The following ARHGAP24 variants were observed in gnomAD, a reference collection of about 807,000 sequenced individuals.
ARHGAP24 encodes the protein Rho GTPase activating protein 24, also known as rho GTPase-activating protein 24.
ARHGAP24 carries 50 observed loss-of-function variants against 76.4 expected under a neutral mutation model. The ratio of observed to expected loss-of-function variants is 0.65; its 90% CI spans 0.52 to 0.83. The LOEUF is 0.83. Among genes scored for constraint, ARHGAP24 ranks in the 40% least tolerant of loss-of-function variants. The pLI is 0.00. For missense variants in ARHGAP24, 930 were observed against 914.2 expected (o/e 1.02, Z -0.22); for synonymous variants, 345 against 323.3 (o/e 1.07, Z -0.72).
chr4:85,612,934 G>A (rs112898651), intron 2 of ARHGAP24, among the ~76,000 whole-genome samples: 8 of 150,988 alleles, frequency 5.3e-5, no homozygotes, highest in East Asian at 2.0e-4. Flanking sequence ...GAGTAGCTGC[G>A]ACCACAGATA....
chr4:85,602,346 G>T (rs1047408255), intron 2 of ARHGAP24, among the ~76,000 whole-genome samples: 2 of 152,138 alleles, frequency 1.3e-5, no homozygotes, highest in African/African-American at 2.4e-5. Context: ...GATTTGGGTG[G>T]CAGTTGAGAG....
chr4:85,608,820 A>G (rs1720292338), intron 2 of ARHGAP24, among the ~76,000 whole-genome samples: 1 of 152,034 alleles, frequency 6.6e-6, no homozygotes, highest in South Asian at 2.1e-4. Context: ...TCAGCCTCCC[A>G]AAGTGTTGGG....
chr4:85,888,456 T>TA (rs1421373672), intron 3 of ARHGAP24, among the ~76,000 whole-genome samples: 1 of 151,922 alleles, frequency 6.6e-6, no homozygotes, highest in Admixed American at 6.6e-5. Context: ...GAGTGATGTT[T>TA]ATAAGCTTCA....
intron 2 of ARHGAP24, among the ~76,000 whole-genome samples, chr4:85,712,426 G>A (rs997459925): frequency 6.6e-6 from 1 of 152,182 alleles, no homozygotes. Flanking sequence ...TGGAAGAGTT[G>A]TTGCCACCTT....
rs147557214 is a variant in ARHGAP24, at chr4:85,755,641, G to GTTTTTT, written c.268+33673_268+33674insTTTTTT. 9.7e-5 allele frequency among the ~76,000 whole-genome samples: 11 copies of GTTTTTT among 113,338 alleles called. 2 individuals are homozygous for GTTTTTT. The highest frequency in any genetic ancestry group is 3.0e-4 in the South Asian group (1 of 3,338). 74.4% of individuals were successfully genotyped at this position (113,338 alleles called of 152,430 possible). On this transcript the variant is annotated intron_variant, in intron 3 of 9. Transcript: ENST00000395184. ...CTATTCTTTTGTTTTGTTTTGTTTTGTTTTGTTTTGAGACGGAGTCTCGTT... is the reference window on the plus strand; with the variant it reads ...CTATTCTTTTGTTTTGTTTTGTTTTGTTTTTTTTTTGTTTTGAGACGGAGTCTCGTT...
chr4:85,508,422 G>A (rs1243507744), intron 1 of ARHGAP24, among the ~76,000 whole-genome samples: 1 of 152,140 alleles, frequency 6.6e-6, no homozygotes, highest in Non-Finnish European at 1.5e-5. Flanking sequence ...GAAAGTTACA[G>A]GAGTGATCTT....
At chr4:85,668,179 T>C (rs1327203840) in intron 2 of ARHGAP24, among the ~76,000 whole-genome samples, 1 of 152,238 alleles carries the variant, frequency 6.6e-6, no homozygotes, top group East Asian at 1.9e-4. Flanking sequence ...ACACTTGCCC[T>C]AACTTCCATT....
intron 3 of ARHGAP24, among the ~76,000 whole-genome samples, chr4:85,842,667 A>C (rs1444894964): frequency 6.6e-6 from 1 of 152,232 alleles, no homozygotes; most frequent in East Asian, 1.9e-4. Flanking sequence ...TGTGGCAAAA[A>C]TTAGTCAACA....
intron 3 of ARHGAP24, among the ~76,000 whole-genome samples, chr4:85,911,658 G>A (rs1211538163): frequency 6.6e-6 from 1 of 152,116 alleles, no homozygotes; most frequent in Admixed American, 6.6e-5. Context: ...TATTTTGAGA[G>A]GTGGAAAGGA....
chr4:85,894,255 C>A (rs1000393631), intron 3 of ARHGAP24, among the ~76,000 whole-genome samples: 2 of 152,074 alleles, frequency 1.3e-5, no homozygotes, highest in East Asian at 1.9e-4. Context: ...AAATTAGGAA[C>A]CTTCACACCA....
chr4:85,610,664 G>A (rs1435175704), intron 2 of ARHGAP24, among the ~76,000 whole-genome samples: 1 of 151,672 alleles, frequency 6.6e-6, no homozygotes, highest in East Asian at 1.9e-4. Context: ...TTTCTGACTT[G>A]TGGTGGTTTT....
At chr4:85,996,893 A>G (rs1740693970) in intron 9 of ARHGAP24, among the ~76,000 whole-genome samples, 1 of 152,210 alleles carries the variant, frequency 6.6e-6, no homozygotes, top group African/African-American at 2.4e-5. Flanking sequence ...TCACACTTTA[A>G]ATGTAGTAGA....
chr4:85,778,536 A>G (rs772914200), intron 3 of ARHGAP24, among the ~76,000 whole-genome samples: 10 of 152,312 alleles, frequency 6.6e-5, no homozygotes, highest in Non-Finnish European at 1.3e-4. Flanking sequence ...TCCCTTATCT[A>G]CAAAATGGGT....
At chr4:85,967,348 A>G (rs1578443818) in intron 5 of ARHGAP24, among the ~76,000 whole-genome samples, 1 of 152,252 alleles carries the variant, frequency 6.6e-6, no homozygotes, top group Admixed American at 6.5e-5. Context: ...TTCACCTAGC[A>G]TTTAGCATGA....
intron 1 of ARHGAP24, among the ~76,000 whole-genome samples, chr4:85,545,870 T>A (rs978823302): frequency 1.3e-5 from 2 of 152,192 alleles, no homozygotes; most frequent in African/African-American, 2.4e-5. Flanking sequence ...CCAAGCCTAC[T>A]TTTTGTCATG....
intron 2 of ARHGAP24, among the ~76,000 whole-genome samples, chr4:85,654,132 A>G (rs1307484752): frequency 6.6e-6 from 1 of 152,140 alleles, no homozygotes; most frequent in East Asian, 1.9e-4. Context: ...ACAGAAATTT[A>G]TTTCTCATAG....
At chr4:85,917,881 T>G (rs1314852469) in intron 3 of ARHGAP24, among the ~76,000 whole-genome samples, 1 of 152,102 alleles carries the variant, frequency 6.6e-6, no homozygotes, top group Non-Finnish European at 1.5e-5. Flanking sequence ...TTTCTTAGAG[T>G]ATAATTTTTA....
At chr4:85,594,677 C>G (rs527319943) in intron 2 of ARHGAP24, among the ~76,000 whole-genome samples, 3 of 152,030 alleles carry the variant, frequency 2.0e-5, no homozygotes, top group Admixed American at 1.3e-4. Context: ...CTAAGAGTGC[C>G]TCAGAAAGCA....
chr4:85,583,922 C>A (rs1489861058), intron 2 of ARHGAP24, among the ~76,000 whole-genome samples: 1 of 91,526 alleles, frequency 1.1e-5, no homozygotes, highest in Admixed American at 1.6e-4. Context: ...GAATGGCAAT[C>A]GTTAAAAAGT....
Sources: allele counts gnomAD v4.1 joint callset (sites outside exome capture counted in the v4.1 genomes callset), GRCh38; gene constraint gnomAD v4.1.1; transcripts MANE v1.5; gene names NCBI Gene and HGNC (gene_info 2026-07-23, HGNC 2026-07-21).